Variants in ARHGAP22 observed in about 807,000 individuals in gnomAD.
ARHGAP22 encodes the protein Rho GTPase activating protein 22, also known as rho GTPase-activating protein 22.
ARHGAP22 carries 48 observed loss-of-function variants against 59.1 expected under a neutral mutation model. That is an observed-to-expected ratio of 0.81 (90% CI 0.64 to 1.03). The LOEUF (loss-of-function observed/expected upper bound fraction) is 1.03, where lower values mean the gene tolerates loss of function less well. ARHGAP22 is among the 50% of genes least tolerant of loss of function. The probability of loss-of-function intolerance (pLI) is 0.00; values close to 1 mark genes in which losing one functional copy is unlikely to be tolerated. For synonymous variants in ARHGAP22, 445 were observed against 416.4 expected (o/e 1.07, Z -0.84); for missense variants, 1,015 against 958.7 (o/e 1.06, Z -0.78).
chr10:48,499,885 T>G (rs1403784936), intron 3 of ARHGAP22, among the ~76,000 whole-genome samples: 4 of 152,256 alleles, frequency 2.6e-5, no homozygotes, highest in Non-Finnish European at 5.9e-5. Context: ...ATAATAGAGA[T>G]GCCAATTCTC....
At chr10:48,433,616 T>G in the ARHGAP22 span, among the ~76,000 whole-genome samples, 2 of 152,338 alleles carry the variant, frequency 1.3e-5, no homozygotes, top group South Asian at 2.1e-4. Context: ...ACATGCTTTG[T>G]CTCTTGTGGT....
rs751573035 is a variant in ARHGAP22 at position 48,555,540 on chromosome 10, GAAAT to G, written c.241_244del (p.Ile81LeufsTer7). On this transcript the variant is annotated frameshift_variant, in exon 3 of 10. Transcript: ENST00000249601. LOFTEE classifies it high-confidence loss of function. The stretch of plus-strand genomic sequence containing the variant: ...TTCAGTCACCTGTGTCCCTTGTAGA[GAAAT>G]AAATCCCTAAAAAGGAGGCAAACAC... 2 of 1,614,148 alleles carry G rather than the reference GAAAT, an allele frequency of 1.2e-6. No individual in the cohort carries two copies. The highest frequency in any genetic ancestry group is 2.2e-5 in the East Asian group (1 of 44,880).
intron 3 of ARHGAP22, among the ~76,000 whole-genome samples, chr10:48,501,011 G>A (rs2051461809): frequency 6.6e-6 from 1 of 151,798 alleles, no homozygotes; most frequent in South Asian, 2.1e-4. Context: ...AAAAACAAGA[G>A]ACCACAAAAG....
At chr10:48,565,260 T>C (rs908489007) in intron 2 of ARHGAP22, among the ~76,000 whole-genome samples, 3 of 152,200 alleles carry the variant, frequency 2.0e-5, no homozygotes, top group Non-Finnish European at 4.4e-5. Flanking sequence ...CACAGATCTC[T>C]GAGAATTAAA....
chr10:48,619,391 A>G (rs1335175196), intron 1 of ARHGAP22, among the ~76,000 whole-genome samples: 2 of 152,208 alleles, frequency 1.3e-5, no homozygotes, highest in Non-Finnish European at 2.9e-5. Flanking sequence ...TCAAAGGAAT[A>G]CTGAGCATGA....
At chr10:48,620,954 A>G (rs984569176) in intron 1 of ARHGAP22, among the ~76,000 whole-genome samples, 1 of 152,228 alleles carries the variant, frequency 6.6e-6, no homozygotes, top group African/African-American at 2.4e-5. Context: ...TACAAACACC[A>G]TGGCCTTCAC....
intron 2 of ARHGAP22, among the ~76,000 whole-genome samples, chr10:48,578,099 G>A (rs1029293416): frequency 2.0e-5 from 3 of 152,106 alleles, no homozygotes. Flanking sequence ...GTGAGCCACT[G>A]CGCCTGGCCC....
chr10:48,504,033 G>C (rs1278072391), intron 3 of ARHGAP22, among the ~76,000 whole-genome samples: 1 of 152,228 alleles, frequency 6.6e-6, no homozygotes, highest in Non-Finnish European at 1.5e-5. Context: ...AGCTATCCCA[G>C]GGAGAAGTGC....
At chr10:48,431,353 C>A in the ARHGAP22 span, 1 of 848,942 alleles carries the variant, frequency 1.2e-6, no homozygotes, top group South Asian at 1.6e-5. Flanking sequence ...TGCAGTTCTT[C>A]CCATATTTAC....
In ARHGAP22 at chr10:48,453,315, G is replaced by A. The variant is rs753136487; in HGVS notation, c.977C>T (p.Thr326Ile). ...CACCTCCCACTTACCTTCCATGATG[G>A]TTACTGGGTCCTCTACCTGTGGCCG... ...ILRPQVEDPV[T>I]IMEGTSLVQH... Residue 326 changes from threonine to isoleucine, a missense_variant, in exon 8 of 10, where the codon ACC becomes ATC. Physicochemically the swap from Thr to Ile is moderately conservative, Grantham distance 89. Transcript: ENST00000249601. The A allele has an allele frequency of 1.9e-6, 3 of 1,613,834 alleles. No homozygotes were observed. The highest frequency in any genetic ancestry group is 1.7e-6 in the Non-Finnish European group (2 of 1,179,898).
Position 48,446,507 on chromosome 10 carries a change from G to A in ARHGAP22, c.1981C>T (p.Arg661Trp), listed in dbSNP as rs749030451. 3.3e-5 allele frequency: 54 copies of A among 1,614,062 alleles called. No homozygotes were observed. The highest frequency in any genetic ancestry group is 4.5e-5 in the East Asian group (2 of 44,890). The change falls in exon 10 of 10, where the codon CGG (arginine) becomes TGG (tryptophan). Residue 661 changes from arginine (R) to tryptophan (W), a missense_variant. By Grantham distance (101) the Arg-to-Trp change is moderately radical (BLOSUM62 -3). Coordinates refer to ENST00000249601, the MANE Select transcript of ARHGAP22 (RefSeq NM_021226.4). Reference sequence around the variant, plus strand: ...CTCCTCTCCGCATCCTCCCGCGCCCGTTCAGAGTTCCGCAGCTTTATTTCC... The same window carrying A: ...CTCCTCTCCGCATCCTCCCGCGCCCATTCAGAGTTCCGCAGCTTTATTTCC... Reference protein sequence around the residue: ...MLEIKLRNSERAREDAERRNQ... With the variant: ...MLEIKLRNSEWAREDAERRNQ...
intron 3 of ARHGAP22, among the ~76,000 whole-genome samples, chr10:48,536,144 C>T (rs7087642): frequency 0.011 from 1,707 of 152,368 alleles, 27 homozygotes; most frequent in African/African-American, 0.039. Flanking sequence ...GTTCTGCCTT[C>T]TGAGAATACC....
At chr10:48,507,225 C>G (rs2052235630) in intron 3 of ARHGAP22, among the ~76,000 whole-genome samples, 1 of 152,200 alleles carries the variant, frequency 6.6e-6, no homozygotes, top group African/African-American at 2.4e-5. Flanking sequence ...ATCTGTCAAC[C>G]TCATCCATCT....
Position 48,604,720 on chromosome 10 carries a change from G to T in ARHGAP22, c.34+43C>A, listed in dbSNP as rs533378920. The T allele has an allele frequency of 3.7e-6, 6 of 1,614,204 alleles. No homozygotes were observed. In the Admixed American group the frequency reaches 1.0e-4, roughly 27 times the overall value. ...AAGTGTCCGCGCACGTTTGCCAAGAGGCACATGCGGTGCCCAGAGAAACCC... is the reference window on the plus strand; with the variant it reads ...AAGTGTCCGCGCACGTTTGCCAAGATGCACATGCGGTGCCCAGAGAAACCC... On this transcript the variant is annotated intron_variant, in intron 1 of 9. Coordinates refer to ENST00000249601, the MANE Select transcript of ARHGAP22 (RefSeq NM_021226.4).
chr10:48,438,421 G>T, the ARHGAP22 span: 1 of 152,314 alleles, frequency 6.6e-6, no homozygotes, highest in East Asian at 1.9e-4. Flanking sequence ...TAGAAAACTC[G>T]TAAGGAAAAC....
chr10:48,505,274 C>T (rs2051984217), intron 3 of ARHGAP22, among the ~76,000 whole-genome samples: 1 of 152,046 alleles, frequency 6.6e-6, no homozygotes, highest in Non-Finnish European at 1.5e-5. Flanking sequence ...AGGCTGGTCT[C>T]GAACTCCTGA....
chr10:48,647,356 G>T (rs986796437), intron 1 of ARHGAP22, among the ~76,000 whole-genome samples: 10 of 152,142 alleles, frequency 6.6e-5, no homozygotes, highest in Non-Finnish European at 1.2e-4. Flanking sequence ...TCACGCCATT[G>T]CACTCCAGTC....
intron 3 of ARHGAP22, among the ~76,000 whole-genome samples, chr10:48,546,119 A>T (rs552397734): frequency 1.3e-5 from 2 of 152,324 alleles, no homozygotes; most frequent in East Asian, 3.9e-4. Context: ...TTGTAAATGC[A>T]CGAAAGACTC....
At chr10:48,587,740 T>A (rs1186707874) in intron 1 of ARHGAP22, among the ~76,000 whole-genome samples, 1 of 151,290 alleles carries the variant, frequency 6.6e-6, no homozygotes, top group Non-Finnish European at 1.5e-5. Flanking sequence ...CCTGATTCTG[T>A]CTCTTGTCTT....
Sources: allele counts gnomAD v4.1 joint callset (sites outside exome capture counted in the v4.1 genomes callset), GRCh38; gene constraint gnomAD v4.1.1; transcripts MANE v1.5; gene names NCBI Gene and HGNC (gene_info 2026-07-23, HGNC 2026-07-21).